GRAMD4: variants seen among roughly 807,000 people sequenced by gnomAD.
GRAMD4 encodes the protein GRAM domain containing 4.
Under a neutral mutation model 83.9 loss-of-function variants are expected in GRAMD4, and 25 were observed. The ratio of observed to expected loss-of-function variants is 0.30; its 90% CI spans 0.22 to 0.42. GRAMD4 has a LOEUF of 0.42. GRAMD4 is among the 10% of genes least tolerant of loss of function. GRAMD4 has a pLI of 1.00. For synonymous variants in GRAMD4, 336 were observed against 320.9 expected (o/e 1.05, Z -0.50); for missense variants, 593 against 788.7 (o/e 0.75, Z 2.97).
At chr22:46,594,695 A>G (rs1043159817) in intron 1 of GRAMD4, among the ~76,000 whole-genome samples, 2 of 151,226 alleles carry the variant, frequency 1.3e-5, no homozygotes, top group South Asian at 2.1e-4. Context: ...CTGGGGGGCT[A>G]GGAGGGCCGG....
intron 2 of GRAMD4, 87 bp from the exon 3 acceptor site, chr22:46,637,753 G>A (rs551249594): frequency 1.4e-6 from 2 of 1,450,024 alleles, no homozygotes; most frequent in East Asian, 2.3e-5. Context: ...CCATCCTGGG[G>A]CCCCTGGGCA....
At chr22:46,680,611 C>T, downstream of GRAMD4, among the ~76,000 whole-genome samples, 1 of 135,942 alleles carries the variant, frequency 7.4e-6, no homozygotes, top group Non-Finnish European at 1.6e-5. Context: ...CCCATTCATC[C>T]ATCCACCCAC....
At chr22:46,644,734 T>C (rs1236022216) in intron 3 of GRAMD4, among the ~76,000 whole-genome samples, 9 of 100,068 alleles carry the variant, frequency 9.0e-5, no homozygotes, top group South Asian at 3.2e-4. Context: ...TTTTTTTTTT[T>C]ACTTTGTTTT....
At chr22:46,645,030 G>A (rs566443291) in intron 3 of GRAMD4, among the ~76,000 whole-genome samples, 34 of 148,516 alleles carry the variant, frequency 2.3e-4, no homozygotes, top group Admixed American at 5.5e-4. Context: ...ACAGGCGTGA[G>A]CCACTGTGCC....
chr22:46,638,019 T>C lies in GRAMD4; in HGVS notation c.283+59T>C, dbSNP rs1188800419. On this transcript the variant is annotated intron_variant, in intron 3 of 18. Transcript: ENST00000406902. ...CAAGGTGGGTCAGGGGTGGCTGAGA[T>C]GGGGGATGTCGTCTTGCCCAGGAGC... 8.3e-6 allele frequency: 13 copies of C among 1,572,024 alleles called. No individual in the cohort carries two copies. The African/African-American group carries it at 1.6e-4, about 20-fold the overall frequency.
chr22:46,589,604 G>T (rs1200234620), intron 1 of GRAMD4, among the ~76,000 whole-genome samples: 1 of 152,134 alleles, frequency 6.6e-6, no homozygotes, highest in Non-Finnish European at 1.5e-5. Flanking sequence ...TGCTTTGCAG[G>T]TGAGTAAGCG....
At chr22:46,627,129 G>A (rs1326602516) in intron 2 of GRAMD4, among the ~76,000 whole-genome samples, 168 bp downstream of exon 2, 1 of 152,186 alleles carries the variant, frequency 6.6e-6, no homozygotes, top group Non-Finnish European at 1.5e-5. Flanking sequence ...GACCTTGTGG[G>A]GCCGGGGTGC....
intron 13 of GRAMD4, among the ~76,000 whole-genome samples, chr22:46,670,758 A>G (rs1282905996): frequency 6.6e-6 from 1 of 152,018 alleles, no homozygotes; most frequent in Non-Finnish European, 1.5e-5. Flanking sequence ...GGGGTGCACC[A>G]CCACACTCAG....
chr22:46,654,533 G>A (rs1359071358), intron 3 of GRAMD4, among the ~76,000 whole-genome samples: 1 of 152,222 alleles, frequency 6.6e-6, no homozygotes, highest in African/African-American at 2.4e-5. Flanking sequence ...GGGGGCTCGT[G>A]CCACATGCAA....
rs138294771 is a variant in GRAMD4, at chr22:46,647,846, A to G, written c.283+9886A>G. Among the ~76,000 whole-genome samples the G allele has an allele frequency of 9.2e-4, 140 of 152,374 alleles. 1 individual carries two copies. Among genetic ancestry groups the G allele is most frequent in the African/African-American group, 3.2e-3 (132 of 41,592 alleles). Reference sequence around the variant, plus strand: ...ATCTGTAGATGAGGCTACATGGCAGAGATGGGCTCTCTCGTGGCACATGGA... The same window carrying G: ...ATCTGTAGATGAGGCTACATGGCAGGGATGGGCTCTCTCGTGGCACATGGA... On this transcript the variant is annotated intron_variant, in intron 3 of 18. Transcript: ENST00000406902.
intron 1 of GRAMD4, among the ~76,000 whole-genome samples, chr22:46,592,710 TA>T (rs1204427655): frequency 6.6e-6 from 1 of 152,134 alleles, no homozygotes; most frequent in Non-Finnish European, 1.5e-5. Context: ...CAAGGGGCTT[TA>T]AAAACCCCAG....
At chr22:46,642,768 CATG>C (rs1419357747) in intron 3 of GRAMD4, among the ~76,000 whole-genome samples, 1 of 152,148 alleles carries the variant, frequency 6.6e-6, no homozygotes, top group Non-Finnish European at 1.5e-5. Flanking sequence ...TAAATTTTGA[CATG>C]ATTTCAGACT....
intron 3 of GRAMD4, among the ~76,000 whole-genome samples, chr22:46,654,926 A>G (rs1439965635): frequency 1.3e-5 from 2 of 152,164 alleles, no homozygotes; most frequent in Non-Finnish European, 2.9e-5. Flanking sequence ...CATTTCTGGG[A>G]ATCCCCACCC....
chr22:46,586,601 CAG>C (rs2081152444), intron 1 of GRAMD4, among the ~76,000 whole-genome samples: 1 of 152,212 alleles, frequency 6.6e-6, no homozygotes, highest in Admixed American at 6.5e-5. Context: ...CGAGGGCCTT[CAG>C]GGGGCAGACG....
chr22:46,616,877 G>A (rs1394401067), upstream of GRAMD4, among the ~76,000 whole-genome samples: 1 of 19,046 alleles, frequency 5.3e-5, no homozygotes, highest in Admixed American at 6.9e-4. Context: ...CCCGTGTGTA[G>A]GTTCCCCTGT....
In GRAMD4 at chr22:46,672,346, G is replaced by A. The variant is rs949301762; in HGVS notation, c.1085-497G>A. Among the ~76,000 whole-genome samples the A allele has an allele frequency of 1.3e-5, 2 of 151,986 alleles. No individual in the cohort carries two copies. Among genetic ancestry groups the A allele is most frequent in the South Asian group, 2.1e-4 (1 of 4,814 alleles). ...GCCGTCTGAGCAGCTGGTCATGGGC[G>A]GCCTCTCAGCAGGGATGGGCTGGGC... On this transcript the variant is annotated intron_variant, in intron 13 of 18. Coordinates refer to ENST00000406902, the MANE Select transcript of GRAMD4 (RefSeq NM_015124.5). This position sits in a 1 kb window ranked among gnomAD's most constrained non-coding sequence, Gnocchi z 4.7.
In GRAMD4 at chr22:46,664,615, C is replaced by T. The variant is rs1169790066; in HGVS notation, c.717+498C>T. Among the ~76,000 whole-genome samples, 5 of 152,346 alleles carry T rather than the reference C, an allele frequency of 3.3e-5. No homozygotes were observed. In the East Asian group the frequency reaches 9.7e-4, roughly 29 times the overall value. On this transcript the variant is annotated intron_variant, in intron 8 of 18. Coordinates refer to ENST00000406902, the MANE Select transcript of GRAMD4 (RefSeq NM_015124.5). ...AGGTGCCCAGCCGTCCTGCCTGGAACTGCCCTGCAGCGGCTGCCCCAGCGG... is the reference window on the plus strand; with the variant it reads ...AGGTGCCCAGCCGTCCTGCCTGGAATTGCCCTGCAGCGGCTGCCCCAGCGG...
chr22:46,675,401 C>G, intron 16 of GRAMD4, 67 bp from the exon 17 acceptor site: 1 of 1,082,864 alleles, frequency 9.2e-7, no homozygotes, highest in Non-Finnish European at 1.4e-6. Context: ...CCCCGGGAGA[C>G]CCCCACCTGG....
At chr22:46,586,900 A>G (rs1480561245) in intron 1 of GRAMD4, among the ~76,000 whole-genome samples, 4 of 152,050 alleles carry the variant, frequency 2.6e-5, no homozygotes, top group Non-Finnish European at 5.9e-5. Context: ...GTGTGTGTAG[A>G]CCTTGGCCCC....
Sources: allele counts gnomAD v4.1 joint callset (sites outside exome capture counted in the v4.1 genomes callset), GRCh38; gene constraint gnomAD v4.1.1; non-coding constraint Gnocchi (gnomAD v3.1); transcripts MANE v1.5; gene names NCBI Gene and HGNC (gene_info 2026-07-23, HGNC 2026-07-21).